Variants in ADAM7 observed in about 807,000 individuals in gnomAD.
ADAM7 encodes disintegrin and metalloproteinase domain-containing protein 7.
ADAM7 carries 97 observed loss-of-function variants against 102.9 expected under a neutral mutation model. The observed-to-expected ratio is 0.94, with a 90% confidence interval of 0.80 to 1.12. The LOEUF (loss-of-function observed/expected upper bound fraction) is 1.12, where lower values mean the gene tolerates loss of function less well. ADAM7 is among the 50% of genes most tolerant of loss of function. The probability of loss-of-function intolerance (pLI) is 0.00; values close to 1 mark genes in which losing one functional copy is unlikely to be tolerated. For missense variants in ADAM7, 991 were observed against 908.7 expected (o/e 1.09, Z -1.16); for synonymous variants, 334 against 304.4 (o/e 1.10, Z -1.01).
Position 24,493,246 on chromosome 8 carries a change from T to C in ADAM7, c.1842+17T>C. 1 of 1,564,468 alleles carries C rather than the reference T, an allele frequency of 6.4e-7. No individual in the cohort carries two copies. Among genetic ancestry groups the C allele is most frequent in the Non-Finnish European group, 8.6e-7 (1 of 1,161,308 alleles). ...GAGGGAATGGTAAGACAAAAGCCCT[T>C]TGTTTTATTAAAACTTCTTAGTTCA... is the stretch of plus-strand genomic sequence containing the variant. On this transcript the variant is annotated intron_variant, in intron 16 of 21. Coordinates refer to ENST00000175238, the MANE Select transcript of ADAM7 (RefSeq NM_003817.4).
At chr8:24,488,644 A>G (rs1289185073) in intron 11 of ADAM7, among the ~76,000 whole-genome samples, 2 of 152,178 alleles carry the variant, frequency 1.3e-5, no homozygotes, top group African/African-American at 2.4e-5. Context: ...GAAAAGGAAG[A>G]TGGAAGGGAG....
intron 3 of ADAM7, among the ~76,000 whole-genome samples, chr8:24,453,008 G>C (rs1383464782): frequency 6.6e-6 from 1 of 150,832 alleles, no homozygotes; most frequent in Non-Finnish European, 1.5e-5. Flanking sequence ...TAGGGTTTCT[G>C]CCGAGAGATC....
chr8:24,446,221 C>T (rs1818553096), intron 2 of ADAM7, among the ~76,000 whole-genome samples: 1 of 151,946 alleles, frequency 6.6e-6, no homozygotes, highest in African/African-American at 2.4e-5. Flanking sequence ...ACAAAAGAAA[C>T]TGGTGAAAGG....
In ADAM7 at chr8:24,500,229, G is replaced by T. The variant is rs777969744; in HGVS notation, c.1975G>T (p.Ala659Ser). ...CTGTGAGGAAGGACAGGCACCTGTA[G>T]CCTGTGAAGAAACCTTACATGTTAC... ...CHCEEGQAPV[A>S]CEETLHVTNI... is the part of the protein sequence containing the mutation. Residue 659 changes from alanine to serine, a missense_variant, in exon 18 of 22, where the codon GCC (alanine) becomes TCC (serine). By Grantham distance (99) the Ala-to-Ser change is moderately conservative. Coordinates refer to ENST00000175238, the MANE Select transcript of ADAM7 (RefSeq NM_003817.4). 6.2e-7 allele frequency: 1 copy of T among 1,611,788 alleles called. No individual in the cohort carries two copies. Among genetic ancestry groups the T allele is most frequent in the African/African-American group, 1.3e-5 (1 of 74,974 alleles).
In ADAM7 at chr8:24,493,057, G is replaced by A; in HGVS notation, c.1670G>A (p.Gly557Glu). The A allele has an allele frequency of 1.3e-6, 2 of 1,586,924 alleles. No individual in the cohort carries two copies. The highest frequency in any genetic ancestry group is 1.7e-6 in the Non-Finnish European group (2 of 1,171,200). ...CTTTCCTTCAGAGATGTCAGATGTGGAAAGATCTACTGCACTGGAGGGGAG... is the reference window on the plus strand; with the variant it reads ...CTTTCCTTCAGAGATGTCAGATGTGAAAAGATCTACTGCACTGGAGGGGAG... ...LPCEEKDVRC[G>E]KIYCTGGELS... The change falls in exon 16 of 22, where the codon GGA becomes GAA. Residue 557 changes from glycine to glutamate, a missense_variant. Coordinates refer to ENST00000175238, the MANE Select transcript of ADAM7 (RefSeq NM_003817.4).
chr8:24,486,198 G>A (rs1308972578), intron 10 of ADAM7, among the ~76,000 whole-genome samples: 3 of 152,158 alleles, frequency 2.0e-5, no homozygotes, highest in Non-Finnish European at 4.4e-5. Flanking sequence ...ATATGAGTAA[G>A]ATGAGATGAC....
At chr8:24,506,753 GCACACACACACACACA>G (rs71549838) in intron 20 of ADAM7, among the ~76,000 whole-genome samples, 1 of 144,192 alleles carries the variant, frequency 6.9e-6, no homozygotes, top group Non-Finnish European at 1.5e-5. Flanking sequence ...CTGAGTCAAA[GCACACACACACACACA>G]CACACACACA....
At chr8:24,501,358 A>G in intron 19 of ADAM7, 119 bp from the exon 20 acceptor site, 1 of 687,842 alleles carries the variant, frequency 1.5e-6, no homozygotes, top group Non-Finnish European at 2.4e-6. Flanking sequence ...TATATTTAAC[A>G]TTGTAATGAA....
At chr8:24,442,645 C>A in intron 2 of ADAM7, 69 bp downstream of exon 2, 3 of 1,211,072 alleles carry the variant, frequency 2.5e-6, no homozygotes, top group Non-Finnish European at 2.5e-6. Context: ...TCTCTAGCTC[C>A]AACCAGAAGC....
At chr8:24,464,121 G>A (rs2129381187) in intron 4 of ADAM7, among the ~76,000 whole-genome samples, 161 bp downstream of exon 4, 1 of 152,238 alleles carries the variant, frequency 6.6e-6, no homozygotes, top group Admixed American at 6.5e-5. Flanking sequence ...ATAAAAATAC[G>A]ATTGTGTGGA....
At chr8:24,491,040 C>T (rs1486985165) in intron 13 of ADAM7, 152 bp downstream of exon 13, 1 of 729,202 alleles carries the variant, frequency 1.4e-6, no homozygotes, top group African/African-American at 1.8e-5. Flanking sequence ...TGAGATGCTC[C>T]AACATCTGAG....
chr8:24,494,685 C>G (rs541331071), intron 16 of ADAM7, among the ~76,000 whole-genome samples: 1 of 151,632 alleles, frequency 6.6e-6, no homozygotes, highest in Admixed American at 6.6e-5. Flanking sequence ...TAATGCCAGT[C>G]TATGTAGGTA....
chr8:24,472,382 A>G (rs1329045409), intron 7 of ADAM7, among the ~76,000 whole-genome samples: 1 of 152,078 alleles, frequency 6.6e-6, no homozygotes, highest in African/African-American at 2.4e-5. Flanking sequence ...GAAATAGCAA[A>G]GAGATATCAT....
At chr8:24,469,894 T>C (rs1819548808) in intron 7 of ADAM7, among the ~76,000 whole-genome samples, 1 of 152,000 alleles carries the variant, frequency 6.6e-6, no homozygotes, top group African/African-American at 2.4e-5. Flanking sequence ...ATGGAGGATA[T>C]AGAGAAACCA....
chr8:24,489,118 T>G (rs1311397623), intron 11 of ADAM7, 41 bp from the exon 12 acceptor site: 2 of 1,555,102 alleles, frequency 1.3e-6, no homozygotes, highest in Non-Finnish European at 8.7e-7. Context: ...CACTATGCAT[T>G]GATATGATTA....
intron 12 of ADAM7, 81 bp downstream of exon 12, chr8:24,489,414 A>T: frequency 7.4e-7 from 1 of 1,349,102 alleles, no homozygotes; most frequent in Non-Finnish European, 1.0e-6. Flanking sequence ...CATTAATCAA[A>T]CCAACCGTGG....
chr8:24,481,217 A>G (rs982415182), intron 8 of ADAM7, among the ~76,000 whole-genome samples: 5 of 152,196 alleles, frequency 3.3e-5, no homozygotes, highest in Non-Finnish European at 5.9e-5. Flanking sequence ...CATGATTATG[A>G]AATGACTTCT....
chr8:24,447,866 C>T (rs1190324904), intron 3 of ADAM7, among the ~76,000 whole-genome samples: 2 of 151,168 alleles, frequency 1.3e-5, no homozygotes, highest in Non-Finnish European at 2.9e-5. Context: ...CTGTCAAATG[C>T]TAAGCAGAAA....
intron 13 of ADAM7, among the ~76,000 whole-genome samples, chr8:24,491,576 G>T (rs1486425274): frequency 2.0e-5 from 3 of 152,074 alleles, no homozygotes; most frequent in Non-Finnish European, 4.4e-5. Flanking sequence ...GTGGGTAGGG[G>T]GTAGGCAGGG....
Sources: allele counts gnomAD v4.1 joint callset (sites outside exome capture counted in the v4.1 genomes callset), GRCh38; gene constraint gnomAD v4.1.1; transcripts MANE v1.5; gene names NCBI Gene and HGNC (gene_info 2026-07-23, HGNC 2026-07-21).